The following LRTM3 variants were observed in gnomAD, a reference collection of about 807,000 sequenced individuals.
LRTM3 encodes the protein leucine rich repeat transmembrane protein 3.
the LRTM3 span, chr13:102,745,996 C>T: frequency 1.3e-6 from 2 of 1,551,136 alleles, no homozygotes; most frequent in Non-Finnish European, 1.7e-6. Context: ...CATCGCTGTT[C>T]TCCAGAGCCT....
the LRTM3 span, chr13:102,737,820 G>T: frequency 1.3e-6 from 2 of 1,550,692 alleles, no homozygotes; most frequent in Non-Finnish European, 1.7e-6. Flanking sequence ...ATTATTCCTT[G>T]TTGGTCTTCC....
the LRTM3 span, chr13:102,746,294 T>C: frequency 7.7e-6 from 12 of 1,550,974 alleles, no homozygotes; most frequent in Non-Finnish European, 1.0e-5. Flanking sequence ...TAAAACTTTA[T>C]GTTCCTCTTC....
chr13:102,730,647 G>A, the LRTM3 span: 1 of 1,551,980 alleles, frequency 6.4e-7, no homozygotes, highest in Non-Finnish European at 8.7e-7. Flanking sequence ...GAGTTTTCAT[G>A]GGGACTTTGC....
the LRTM3 span, chr13:102,735,737 T>C: frequency 2.6e-6 from 4 of 1,549,072 alleles, 1 homozygote; most frequent in South Asian, 4.8e-5. Context: ...AGTATATGCT[T>C]TTTTGCCTGA....
chr13:102,734,573 A>AT, the LRTM3 span: 537 of 1,545,552 alleles, frequency 3.5e-4, 1 homozygote, highest in Middle Eastern at 1.5e-3. Context: ...CATATCGATT[A>AT]TTTTTTTTTG....
chr13:102,755,901 A>ATGTGTGTGTGTG, the LRTM3 span, among the ~76,000 whole-genome samples: 2 of 98,850 alleles, frequency 2.0e-5, no homozygotes, highest in Non-Finnish European at 2.1e-5. Flanking sequence ...ACACATATAT[A>ATGTGTGTGTGTG]TGTGTGTGTG....
At chr13:102,732,753 T>C in the LRTM3 span, 2 of 1,551,248 alleles carry the variant, frequency 1.3e-6, no homozygotes, top group African/African-American at 2.7e-5. Context: ...ATCTCTGTTT[T>C]CTCTTCTTGC....
chr13:102,754,021 C>T, the LRTM3 span, among the ~76,000 whole-genome samples: 1 of 152,036 alleles, frequency 6.6e-6, no homozygotes, highest in Non-Finnish European at 1.5e-5. Flanking sequence ...ACCTAGCCAA[C>T]ATGGTGAAAC....
the LRTM3 span, chr13:102,741,293 G>A: frequency 6.5e-7 from 1 of 1,549,894 alleles, no homozygotes; most frequent in Non-Finnish European, 8.7e-7. Context: ...TTTTCTTGCT[G>A]TATTCACTGC....
the LRTM3 span, among the ~76,000 whole-genome samples, chr13:102,758,135 T>C: frequency 6.6e-6 from 1 of 152,158 alleles, no homozygotes; most frequent in Admixed American, 6.5e-5. Flanking sequence ...GGAGAGAGAG[T>C]TAGAGTAGGA....
At chr13:102,731,606 G>T in the LRTM3 span, 40 of 1,551,454 alleles carry the variant, frequency 2.6e-5, no homozygotes, top group Non-Finnish European at 3.3e-5. Context: ...TTTATCAGAA[G>T]AAACTTTGTC....
the LRTM3 span, chr13:102,732,918 A>G: frequency 6.4e-7 from 1 of 1,551,424 alleles, no homozygotes; most frequent in Non-Finnish European, 8.7e-7. Context: ...TGAAATTGAA[A>G]AGTCCAGGGA....
chr13:102,746,016 T>C, the LRTM3 span: 1 of 1,551,216 alleles, frequency 6.4e-7, no homozygotes. Flanking sequence ...TGTAAAGCTT[T>C]GGGAGGTGGA....
At chr13:102,738,567 T>C in the LRTM3 span, 3 of 1,550,750 alleles carry the variant, frequency 1.9e-6, no homozygotes, top group Non-Finnish European at 2.6e-6. Context: ...TTTTCCATTT[T>C]TTGCCTCTGT....
chr13:102,739,031 T>C, the LRTM3 span: 4 of 1,550,526 alleles, frequency 2.6e-6, no homozygotes, highest in Non-Finnish European at 3.5e-6. Context: ...TGATAATTCC[T>C]GCTGTGTTGA....
chr13:102,731,565 C>A, the LRTM3 span: 1 of 1,551,320 alleles, frequency 6.4e-7, no homozygotes. Context: ...GACTTCAAGT[C>A]GTCAGGCTTA....
the LRTM3 span, chr13:102,737,866 T>G: frequency 6.4e-7 from 1 of 1,550,798 alleles, no homozygotes; most frequent in Non-Finnish European, 8.7e-7. Flanking sequence ...TATAATGGGT[T>G]AGAGAAGAAT....
At chr13:102,733,641 G>T in the LRTM3 span, 1 of 1,551,316 alleles carries the variant, frequency 6.4e-7, no homozygotes. Flanking sequence ...TATTTTACAG[G>T]CTGAGCCTTT....
the LRTM3 span, among the ~76,000 whole-genome samples, chr13:102,752,302 A>C: frequency 3.5e-4 from 54 of 152,234 alleles, no homozygotes; most frequent in African/African-American, 1.2e-3. Flanking sequence ...ATAAATATTC[A>C]TGACTCCTCC....
Sources: allele counts gnomAD v4.1 joint callset (sites outside exome capture counted in the v4.1 genomes callset), GRCh38; gene constraint gnomAD v4.1.1; transcripts MANE v1.5; gene names NCBI Gene and HGNC (gene_info 2026-07-23, HGNC 2026-07-21).